The following STXBP3 variants were observed in gnomAD, a reference collection of about 807,000 sequenced individuals.
STXBP3 encodes syntaxin-binding protein 3.
A neutral mutation model predicts 85.7 loss-of-function variants in STXBP3; 41 were observed. The ratio of observed to expected loss-of-function variants is 0.48; its 90% CI spans 0.37 to 0.62. The LOEUF is 0.62. Among genes scored for constraint, STXBP3 ranks in the 20% least tolerant of loss-of-function variants. The probability of loss-of-function intolerance (pLI) is 0.00; values close to 1 mark genes in which losing one functional copy is unlikely to be tolerated. For missense variants in STXBP3, 563 were observed against 703.1 expected, an observed-to-expected ratio of 0.80 and a Z score of 2.25; for synonymous variants, 229 against 231.7, an observed-to-expected ratio of 0.99 and a Z score of 0.10.
At chr1:108,763,695 C>G (rs913660458) in intron 6 of STXBP3, among the ~76,000 whole-genome samples, 1 of 152,050 alleles carries the variant, frequency 6.6e-6, no homozygotes, top group Non-Finnish European at 1.5e-5. Context: ...CCTGCCTCAG[C>G]CTCCCGAGTA....
chr1:108,762,703 A>G (rs931803770), intron 6 of STXBP3, among the ~76,000 whole-genome samples: 3 of 152,182 alleles, frequency 2.0e-5, no homozygotes, highest in Non-Finnish European at 2.9e-5. Flanking sequence ...TGCTCACTTA[A>G]TATCCTGGGA....
At chr1:108,793,987 A>G (rs933187753) in intron 12 of STXBP3, among the ~76,000 whole-genome samples, 2 of 152,228 alleles carry the variant, frequency 1.3e-5, no homozygotes, top group Non-Finnish European at 2.9e-5. Flanking sequence ...GTTACTTACT[A>G]GTAGATTTAA....
chr1:108,756,959 G>T, intron 4 of STXBP3, 193 bp downstream of exon 4: 1 of 371,776 alleles, frequency 2.7e-6, no homozygotes, highest in Non-Finnish European at 4.9e-6. Context: ...ATAAGTAAAA[G>T]GATTCCTTTT....
intron 9 of STXBP3, chr1:108,780,864 G>A (rs548300198): frequency 7.3e-5 from 11 of 149,958 alleles, no homozygotes; most frequent in African/African-American, 2.7e-4. Context: ...CGTCCCCTGA[G>A]TTCAAATGAT....
chr1:108,806,368 C>T (rs1482247945), intron 17 of STXBP3, among the ~76,000 whole-genome samples: 1 of 151,998 alleles, frequency 6.6e-6, no homozygotes, highest in East Asian at 1.9e-4. Flanking sequence ...TTTAAATAGC[C>T]TCATGTGGCT....
intron 11 of STXBP3, among the ~76,000 whole-genome samples, chr1:108,786,907 G>A (rs1161310171): frequency 1.3e-5 from 2 of 152,078 alleles, no homozygotes; most frequent in Non-Finnish European, 1.5e-5. Flanking sequence ...CAAGAACATA[G>A]AATATAGCTC....
chr1:108,782,661 G>A lies in STXBP3; in HGVS notation c.918G>A (p.Lys306=). ...CACAATTTGACAGGGAAATTCCCAAGCTTATGAAAGAAATTTCATCAACAA... is the reference window on the plus strand; with the variant it reads ...CACAATTTGACAGGGAAATTCCCAAACTTATGAAAGAAATTTCATCAACAA... ...HIAVVLEEIP[K]LMKEISSTKK... Residue 306 remains lysine, a synonymous_variant, in exon 11 of 19, where the codon AAG becomes AAA. Coordinates refer to ENST00000370008, the MANE Select transcript of STXBP3 (RefSeq NM_007269.4). 1.9e-6 allele frequency: 3 copies of A among 1,608,632 alleles called. No individual in the cohort carries two copies. Among genetic ancestry groups the A allele is most frequent in the Non-Finnish European group, 2.5e-6 (3 of 1,178,478 alleles).
intron 15 of STXBP3, among the ~76,000 whole-genome samples, chr1:108,797,929 A>G (rs1163397634): frequency 6.6e-6 from 1 of 152,168 alleles, no homozygotes; most frequent in Non-Finnish European, 1.5e-5. Context: ...TTCTGATATG[A>G]TTATAAATAA....
Position 108,758,483 on chromosome 1 carries a change from G to A in STXBP3, c.259-27G>A, listed in dbSNP as rs199579352. ...TATTTAAATTAATATTTAATAAAAT[G>A]TGTATTAACATCTAACCTTTTTTAA... On this transcript the variant is annotated intron_variant, in intron 4 of 18. Coordinates refer to ENST00000370008, the MANE Select transcript of STXBP3 (RefSeq NM_007269.4). The A allele has an allele frequency of 7.9e-5, 91 of 1,150,636 alleles. No individual in the cohort carries two copies. In the East Asian group the frequency reaches 2.3e-3, roughly 29 times the overall value. 71.3% of individuals were successfully genotyped at this position (1,150,636 alleles called of 1,614,324 possible). A position where few individuals can be genotyped will look rare whatever the true frequency, so the allele number is the denominator to read the frequency against.
chr1:108,800,373 G>A, intron 17 of STXBP3, 68 bp downstream of exon 17: 4 of 1,222,874 alleles, frequency 3.3e-6, no homozygotes, highest in Non-Finnish European at 4.7e-6. Flanking sequence ...ATGGTACACA[G>A]ATACTCATAT....
intron 6 of STXBP3, among the ~76,000 whole-genome samples, chr1:108,761,190 G>A (rs921453797): frequency 7.9e-5 from 12 of 152,170 alleles, no homozygotes; most frequent in Non-Finnish European, 1.3e-4. Flanking sequence ...ACGGGTGTGA[G>A]CCACCACGCC....
At chr1:108,806,065 T>C (rs1016223655) in intron 17 of STXBP3, among the ~76,000 whole-genome samples, 1 of 152,222 alleles carries the variant, frequency 6.6e-6, no homozygotes. Context: ...AGTACACATA[T>C]GTCATTTACA....
At chr1:108,786,286 A>G (rs979648501) in intron 11 of STXBP3, among the ~76,000 whole-genome samples, 1 of 152,124 alleles carries the variant, frequency 6.6e-6, no homozygotes, top group African/African-American at 2.4e-5. Flanking sequence ...TTATAAGACC[A>G]TCGGATCTCA....
intron 6 of STXBP3, among the ~76,000 whole-genome samples, chr1:108,763,582 C>CT (rs1184534699): frequency 2.0e-5 from 3 of 149,432 alleles, no homozygotes; most frequent in Non-Finnish European, 3.0e-5. Flanking sequence ...CAAAACCCAA[C>CT]TTTTTTTTTT....
intron 7 of STXBP3, among the ~76,000 whole-genome samples, chr1:108,773,745 G>A (rs541537093): frequency 6.6e-6 from 1 of 152,278 alleles, no homozygotes; most frequent in South Asian, 2.1e-4. Context: ...TCTTTGGGAT[G>A]TGGGAGGAAA....
In STXBP3 at chr1:108,746,702, G is replaced by C; in HGVS notation, c.-36G>C. 1.3e-6 allele frequency: 2 copies of C among 1,547,834 alleles called. No individual in the cohort carries two copies. The highest frequency in any genetic ancestry group is 1.4e-5 in the African/African-American group (1 of 72,708). On this transcript the variant is annotated 5_prime_UTR_variant, in exon 1 of 19. Coordinates refer to ENST00000370008, the MANE Select transcript of STXBP3 (RefSeq NM_007269.4). ...TCTGCGGCCAAAGTAGGTTGGGAGT[G>C]GAAGGTGGTGGCTGCTGCTCCGCAG...
intron 15 of STXBP3, among the ~76,000 whole-genome samples, chr1:108,797,258 G>A (rs1663123987): frequency 6.8e-6 from 1 of 146,588 alleles, no homozygotes; most frequent in Non-Finnish European, 1.5e-5. Flanking sequence ...GGAGGCTGAG[G>A]ATCTCATAAG....
At chr1:108,794,310 C>T (rs1302742453) in intron 12 of STXBP3, among the ~76,000 whole-genome samples, 1 of 152,064 alleles carries the variant, frequency 6.6e-6, no homozygotes, top group Non-Finnish European at 1.5e-5. Flanking sequence ...AAGGAAATAC[C>T]CAGGACTGGG....
chr1:108,759,146 TATATA>T (rs912588877), intron 5 of STXBP3: 1 of 152,198 alleles, frequency 6.6e-6, no homozygotes, highest in African/African-American at 2.4e-5. Context: ...TGTTACATGT[TATATA>T]ATATACTTCA....
Sources: gnomAD v4.1 joint callset for allele counts (sites outside exome capture counted in the v4.1 genomes callset) on GRCh38, gnomAD v4.1.1 for gene constraint, MANE v1.5 for transcripts, NCBI Gene and HGNC (gene_info 2026-07-23, HGNC 2026-07-21) for gene names.